KIF5C: variants seen among roughly 807,000 people sequenced by gnomAD.
The protein encoded by KIF5C is kinesin family member 5C, also known as kinesin heavy chain isoform 5C.
Under a neutral mutation model 125.2 loss-of-function variants are expected in KIF5C, and 18 were observed. The ratio of observed to expected loss-of-function variants is 0.14; its 90% confidence interval spans 0.10 to 0.21. KIF5C has a LOEUF of 0.21. Among genes scored for constraint, KIF5C ranks in the 10% least tolerant of loss-of-function variants. The probability of loss-of-function intolerance (pLI) is 1.00; values close to 1 mark genes in which losing one functional copy is unlikely to be tolerated. For missense variants in KIF5C, 780 were observed against 1,183.8 expected (o/e 0.66, Z 5.01); for synonymous variants, 405 against 434.0 (o/e 0.93, Z 0.83).
chr2:148,875,575 G>A lies in KIF5C; in HGVS notation c.-43G>A. On this transcript the variant is annotated 5_prime_UTR_variant, in exon 1 of 26. Coordinates refer to ENST00000435030, the MANE Select transcript of KIF5C (RefSeq NM_004522.3). The stretch of plus-strand genomic sequence containing the variant: ...TCCTCCCTCGTCGTTCCCGGCCCCG[G>A]CCCCCCACCCATCCCCGTGCCCCCT... The A allele has an allele frequency of 1.4e-6, 1 of 699,604 alleles. No homozygotes were observed. The highest frequency in any genetic ancestry group is 2.6e-6 in the Non-Finnish European group (1 of 389,230). 43.3% of individuals were successfully genotyped at this position (699,604 alleles called of 1,614,324 possible).
At chr2:148,916,812 A>G (rs190455053) in intron 1 of KIF5C, among the ~76,000 whole-genome samples, 257 of 152,294 alleles carry the variant, frequency 1.7e-3, no homozygotes, top group Admixed American at 5.3e-3. Context: ...GGAGAGAGCA[A>G]GTGATTTTAA....
chr2:148,954,522 A>G (rs1170459207), intron 10 of KIF5C, among the ~76,000 whole-genome samples: 1 of 152,208 alleles, frequency 6.6e-6, no homozygotes. Context: ...TGGGGTGGTA[A>G]TAAAGGGAAA....
intron 1 of KIF5C, among the ~76,000 whole-genome samples, chr2:148,885,275 C>T (rs753812506): frequency 3.5e-4 from 54 of 152,160 alleles, no homozygotes; most frequent in East Asian, 1.9e-4. Context: ...CGTGAGCCAC[C>T]GTGCCCGGCC....
chr2:148,949,429 C>T (rs1682604114), intron 8 of KIF5C, among the ~76,000 whole-genome samples: 1 of 152,116 alleles, frequency 6.6e-6, no homozygotes, highest in Non-Finnish European at 1.5e-5. Flanking sequence ...TCCAATATGC[C>T]CATTCATTGT....
intron 12 of KIF5C, among the ~76,000 whole-genome samples, chr2:148,974,041 G>A (rs1418479100): frequency 6.6e-6 from 1 of 152,202 alleles, no homozygotes; most frequent in Admixed American, 6.5e-5. Context: ...GAATGAAGTA[G>A]TTTGTACATG....
At chr2:148,967,038 T>C (rs1680747952) in intron 11 of KIF5C, among the ~76,000 whole-genome samples, 1 of 152,136 alleles carries the variant, frequency 6.6e-6, no homozygotes, top group South Asian at 2.1e-4. Flanking sequence ...GGCCTAGCAG[T>C]TTTCTCCTCT....
intron 10 of KIF5C, among the ~76,000 whole-genome samples, chr2:148,960,856 C>T (rs1411933825): frequency 6.6e-6 from 1 of 152,198 alleles, no homozygotes; most frequent in Non-Finnish European, 1.5e-5. Flanking sequence ...GCAAATAAAA[C>T]AGGATATCAC....
chr2:148,877,416 T>C (rs1681223744), intron 1 of KIF5C: 1 of 152,276 alleles, frequency 6.6e-6, no homozygotes, highest in Non-Finnish European at 1.5e-5. Context: ...GCTACGATTA[T>C]TGATGAGGAA....
At chr2:148,909,376 C>CTGCG (rs1359891841) in intron 1 of KIF5C, among the ~76,000 whole-genome samples, 10 of 152,224 alleles carry the variant, frequency 6.6e-5, no homozygotes, top group Non-Finnish European at 1.2e-4. Context: ...CCTCCTTGAC[C>CTGCG]CGCATATCAC....
chr2:148,988,154 A>AT (rs61484332), intron 15 of KIF5C, among the ~76,000 whole-genome samples: 4,952 of 145,990 alleles, frequency 0.034, 244 homozygotes, highest in African/African-American at 0.11. Context: ...CAGCAAACTG[A>AT]TTTTTTTTTT....
chr2:148,952,071 A>G (rs1439771044), intron 10 of KIF5C, among the ~76,000 whole-genome samples: 2 of 152,166 alleles, frequency 1.3e-5, no homozygotes, highest in Non-Finnish European at 2.9e-5. Flanking sequence ...GATTAGTTAA[A>G]TGCTTAGGCC....
rs944762164 is a variant in KIF5C at position 149,026,218 on chromosome 2, T to A, written c.*3148T>A. On this transcript the variant is annotated 3_prime_UTR_variant, in exon 26 of 26. Transcript: ENST00000435030. ...TTTCACTTCATTGTCTAGCCCAGAA[T>A]CTTGAGCAAGCTAAAGAAACCATCA... The A allele has an allele frequency of 3.9e-5, 6 of 152,382 alleles. No individual in the cohort carries two copies. Among genetic ancestry groups the A allele is most frequent in the Non-Finnish European group, 8.8e-5 (6 of 68,038 alleles). 9.4% of individuals were successfully genotyped at this position (152,382 alleles called of 1,614,324 possible).
At chr2:148,916,469 G>A (rs1365988470) in intron 1 of KIF5C, among the ~76,000 whole-genome samples, 2 of 152,128 alleles carry the variant, frequency 1.3e-5, no homozygotes, top group Non-Finnish European at 2.9e-5. Flanking sequence ...GGACCTGGAG[G>A]GGCCCAAGAT....
At chr2:149,000,587 G>C in intron 20 of KIF5C, 63 bp downstream of exon 20, 1 of 1,558,422 alleles carries the variant, frequency 6.4e-7, no homozygotes, top group Non-Finnish European at 8.7e-7. Flanking sequence ...GGTTAGATTG[G>C]GCTAATTTAA....
chr2:148,972,607 A>G (rs1342608567), intron 11 of KIF5C, among the ~76,000 whole-genome samples: 2 of 152,162 alleles, frequency 1.3e-5, no homozygotes. Context: ...AACAAATGCT[A>G]CTCTGCAAAC....
At chr2:148,973,885 C>T (rs1395019989) in intron 12 of KIF5C, among the ~76,000 whole-genome samples, 1 of 152,136 alleles carries the variant, frequency 6.6e-6, no homozygotes, top group Non-Finnish European at 1.5e-5. Context: ...CAGCAGTAGC[C>T]TCAGCTAGGG....
chr2:149,004,580 C>A (rs905020450), intron 21 of KIF5C, among the ~76,000 whole-genome samples: 6 of 151,964 alleles, frequency 3.9e-5, no homozygotes, highest in Non-Finnish European at 8.8e-5. Flanking sequence ...AAAAATGCCC[C>A]CAAGATGACA....
intron 10 of KIF5C, among the ~76,000 whole-genome samples, chr2:148,957,133 C>T (rs970432401): frequency 1.3e-5 from 2 of 152,198 alleles, no homozygotes; most frequent in African/African-American, 4.8e-5. Context: ...GATTTTGTGT[C>T]TCCCTGTAAG....
chr2:148,959,814 C>T (rs186819607), intron 10 of KIF5C, among the ~76,000 whole-genome samples: 1 of 152,282 alleles, frequency 6.6e-6, no homozygotes, highest in African/African-American at 2.4e-5. Context: ...GAGAGAAGAG[C>T]GTGAGGTCCG....
Sources: allele counts gnomAD v4.1 joint callset (sites outside exome capture counted in the v4.1 genomes callset), GRCh38; gene constraint gnomAD v4.1.1; transcripts MANE v1.5; gene names NCBI Gene and HGNC (gene_info 2026-07-23, HGNC 2026-07-21).